The following GALNT1 variants were observed in gnomAD, a reference collection of about 807,000 sequenced individuals.
GALNT1 encodes polypeptide N-acetylgalactosaminyltransferase 1, also known as GalNAc transferase 1.
In GALNT1, 17 loss-of-function variants were observed where a neutral mutation model predicts 65.7. The observed-to-expected ratio is 0.26, with a 90% CI of 0.18 to 0.39. GALNT1 has a LOEUF of 0.39. Ranked by LOEUF, GALNT1 falls within the 10% of genes least tolerant of loss-of-function variation. The pLI, the probability that GALNT1 is intolerant of heterozygous loss-of-function variation, is 1.00. For synonymous variants in GALNT1, 210 were observed against 219.7 expected (o/e 0.96, Z 0.39); for missense variants, 460 against 672.8 (o/e 0.68, Z 3.50).
At chr18:35,646,407 C>G (rs2047231613) in intron 1 of GALNT1, among the ~76,000 whole-genome samples, 1 of 152,170 alleles carries the variant, frequency 6.6e-6, no homozygotes, top group Non-Finnish European at 1.5e-5. Flanking sequence ...TGAGGTTGTA[C>G]TCAAGATGTC....
In GALNT1 at chr18:35,628,720, T is replaced by A. The variant is rs151117037; in HGVS notation, c.-103-25840T>A. 6.4e-3 allele frequency among the ~76,000 whole-genome samples: 974 copies of A among 152,330 alleles called. 10 individuals carry two copies. The highest frequency in any genetic ancestry group is 0.022 in the African/African-American group (900 of 41,566). Reference sequence around the variant, plus strand: ...CAACGGAACAAAGCTGGACAGAGAATGACTTTGACGAGTTGAGTGAAGAAG... The same window carrying A: ...CAACGGAACAAAGCTGGACAGAGAAAGACTTTGACGAGTTGAGTGAAGAAG... On this transcript the variant is annotated intron_variant, in intron 1 of 11. Transcript: ENST00000269195.
chr18:35,592,423 A>G (rs2046456660), intron 1 of GALNT1, among the ~76,000 whole-genome samples: 1 of 152,230 alleles, frequency 6.6e-6, no homozygotes, highest in African/African-American at 2.4e-5. Context: ...CTGGTAAAAA[A>G]GAATGCTATG....
intron 3 of GALNT1, among the ~76,000 whole-genome samples, chr18:35,668,302 AG>A (rs1157462204): frequency 2.0e-5 from 3 of 152,176 alleles, no homozygotes; most frequent in Admixed American, 1.3e-4. Context: ...CAAGAAAATA[AG>A]AGAGTCACAA....
In GALNT1 at chr18:35,677,714, C is replaced by T. The variant is rs575042413; in HGVS notation, c.438C>T (p.His146=). The change falls in exon 4 of 12, where the codon CAC becomes CAT. Residue 146 remains histidine, a synonymous_variant. Transcript: ENST00000269195. Reference sequence around the variant, plus strand: ...GTGTCATTAATCGCTCACCAAGACACATGATAGAAGAAATTGTTCTAGTAG... The same window carrying T: ...GTGTCATTAATCGCTCACCAAGACATATGATAGAAGAAATTGTTCTAGTAG... ...VHSVINRSPR[H]MIEEIVLVDD... is the part of the protein sequence containing the mutation. 3 of 1,611,508 alleles carry T rather than the reference C, an allele frequency of 1.9e-6. No homozygotes were observed. In the Admixed American group the frequency reaches 5.0e-5, roughly 27 times the overall value.
intron 11 of GALNT1, among the ~76,000 whole-genome samples, chr18:35,705,686 A>G (rs139035005): frequency 1.3e-5 from 2 of 152,270 alleles, no homozygotes; most frequent in African/African-American, 2.4e-5. Context: ...AAACCTCTTA[A>G]GTTTATTGGA....
intron 9 of GALNT1, among the ~76,000 whole-genome samples, chr18:35,700,571 C>T (rs1011412068): frequency 2.6e-5 from 4 of 152,130 alleles, no homozygotes; most frequent in African/African-American, 9.7e-5. Context: ...GTAGTAACCC[C>T]AAAGGATAGA....
chr18:35,642,326 A>G (rs2047174748), intron 1 of GALNT1, among the ~76,000 whole-genome samples: 1 of 152,254 alleles, frequency 6.6e-6, no homozygotes, highest in South Asian at 2.1e-4. Flanking sequence ...GCATATGGAT[A>G]AATCTCAGAA....
intron 2 of GALNT1, among the ~76,000 whole-genome samples, chr18:35,662,407 T>C (rs2144450415): frequency 6.6e-6 from 1 of 152,342 alleles, no homozygotes; most frequent in African/African-American, 2.4e-5. Context: ...TCATCATCAT[T>C]TTCTGAAATC....
intron 3 of GALNT1, among the ~76,000 whole-genome samples, chr18:35,674,757 G>A (rs2047683798): frequency 6.6e-6 from 1 of 152,122 alleles, no homozygotes; most frequent in Non-Finnish European, 1.5e-5. Context: ...GCCGAGGTGG[G>A]CAGATCACGA....
At chr18:35,636,027 C>G (rs2047084424) in intron 1 of GALNT1, among the ~76,000 whole-genome samples, 1 of 152,018 alleles carries the variant, frequency 6.6e-6, no homozygotes, top group Admixed American at 6.6e-5. Context: ...AAAAGAATGT[C>G]TGATTCCAGG....
intron 1 of GALNT1, among the ~76,000 whole-genome samples, chr18:35,641,017 G>A (rs1351640159): frequency 1.3e-5 from 2 of 152,130 alleles, no homozygotes; most frequent in East Asian, 1.9e-4. Flanking sequence ...TAGAGATGGG[G>A]GTCTTGCTAT....
chr18:35,667,261 C>T (rs770841234), intron 3 of GALNT1, among the ~76,000 whole-genome samples: 6 of 152,128 alleles, frequency 3.9e-5, no homozygotes, highest in Non-Finnish European at 8.8e-5. Flanking sequence ...TGGTCTTTTA[C>T]TCTTGCTGTG....
chr18:35,696,905 C>G (rs1232431861), intron 9 of GALNT1, among the ~76,000 whole-genome samples: 1 of 152,184 alleles, frequency 6.6e-6, no homozygotes. Context: ...AATGGTTTAA[C>G]AAAGCTCTTA....
intron 11 of GALNT1, among the ~76,000 whole-genome samples, chr18:35,707,857 G>A (rs2048289676): frequency 6.6e-6 from 1 of 152,210 alleles, no homozygotes; most frequent in Non-Finnish European, 1.5e-5. Context: ...TGAAGCCACT[G>A]GCAGCAATGT....
chr18:35,692,407 A>G (rs190809909), intron 9 of GALNT1, 87 bp downstream of exon 9: 4 of 792,734 alleles, frequency 5.0e-6, no homozygotes, highest in African/African-American at 3.6e-5. Flanking sequence ...TAAACTTCCA[A>G]TAAGGAAAGT....
In GALNT1 at chr18:35,584,517, G is replaced by A. The variant is rs898988374; in HGVS notation, c.-104+2655G>A. On this transcript the variant is annotated intron_variant, in intron 1 of 11. Coordinates refer to ENST00000269195, the MANE Select transcript of GALNT1 (RefSeq NM_020474.4). ...ACAGATAATGGAGGAAGAGGAGTGC[G>A]GCAACTTCGTAGAAGAGAGTTAGGA... Among the ~76,000 whole-genome samples, 9 of 152,114 alleles carry A rather than the reference G, an allele frequency of 5.9e-5. No individual in the cohort carries two copies. The South Asian group carries it at 6.2e-4, about 11-fold the overall frequency.
At chr18:35,582,145 T>C (rs1345595671) in intron 1 of GALNT1, among the ~76,000 whole-genome samples, 2 of 152,086 alleles carry the variant, frequency 1.3e-5, no homozygotes, top group East Asian at 3.9e-4. Context: ...GTTTGTTTTA[T>C]TGACAAAAAT....
intron 1 of GALNT1, among the ~76,000 whole-genome samples, chr18:35,616,061 C>T (rs533262567): frequency 6.8e-4 from 103 of 152,146 alleles, no homozygotes; most frequent in Non-Finnish European, 1.3e-3. Flanking sequence ...ACTAGTTTGC[C>T]ACCCCTTGCT....
intron 8 of GALNT1, among the ~76,000 whole-genome samples, chr18:35,691,432 A>C (rs947289452): frequency 3.9e-5 from 6 of 152,174 alleles, no homozygotes; most frequent in African/African-American, 1.4e-4. Context: ...CAGGTTTTGC[A>C]GATGTTCTAT....
Sources: allele counts gnomAD v4.1 joint callset (sites outside exome capture counted in the v4.1 genomes callset), GRCh38; gene constraint gnomAD v4.1.1; transcripts MANE v1.5; gene names NCBI Gene and HGNC (gene_info 2026-07-23, HGNC 2026-07-21).